Variants in CENPC observed in about 807,000 individuals in gnomAD.
CENPC encodes CENP-C 1.
Under a neutral mutation model 112.1 loss-of-function variants are expected in CENPC, and 63 were observed. The observed-to-expected ratio is 0.56, with a 90% CI of 0.46 to 0.69. The LOEUF (loss-of-function observed/expected upper bound fraction) is 0.69. Among genes scored for constraint, CENPC ranks in the 30% least tolerant of loss-of-function variants. The pLI is 0.00. For synonymous variants in CENPC, 333 were observed against 367.6 expected, an observed-to-expected ratio of 0.91 and a Z score of 1.08; for missense variants, 1,000 against 1,103.8, an observed-to-expected ratio of 0.91 and a Z score of 1.33.
chr4:67,501,139 C>T (rs1725580282), intron 12 of CENPC, among the ~76,000 whole-genome samples: 2 of 152,074 alleles, frequency 1.3e-5, no homozygotes, highest in African/African-American at 4.8e-5. Context: ...GAAAGCCTGT[C>T]TCTACTAAAA....
chr4:67,472,490 A>G lies in CENPC; in HGVS notation c.*115T>C. On this transcript the variant is annotated 3_prime_UTR_variant, in exon 19 of 19. Coordinates refer to ENST00000273853, the MANE Select transcript of CENPC (RefSeq NM_001812.4). ...CAAATACAAGTCTACAGAAAACTGA[A>G]TAAAATTTTTATTTTAAAACATCAC... is the stretch of plus-strand genomic sequence containing the variant. 1 of 1,231,674 alleles carries G rather than the reference A, an allele frequency of 8.1e-7. No individual in the cohort carries two copies. Among genetic ancestry groups the G allele is most frequent in the Non-Finnish European group, 1.0e-6 (1 of 964,968 alleles). The allele number at this position is 1,231,674 out of a possible 1,614,324, so 76.3% of individuals were successfully genotyped here.
intron 5 of CENPC, among the ~76,000 whole-genome samples, chr4:67,529,377 T>C (rs1312629752): frequency 6.6e-6 from 1 of 152,060 alleles, no homozygotes; most frequent in East Asian, 1.9e-4. Flanking sequence ...CAGGCTGGAG[T>C]GCAGTGGCGC....
At chr4:67,527,293 A>G (rs1425816313) in intron 5 of CENPC, among the ~76,000 whole-genome samples, 1 of 152,146 alleles carries the variant, frequency 6.6e-6, no homozygotes, top group Non-Finnish European at 1.5e-5. Context: ...GAGAAGAAAA[A>G]TCATATGATC....
Position 67,521,858 on chromosome 4 carries a change from A to T in CENPC, c.332-2356T>A, listed in dbSNP as rs139736103. ...TTGAAGACATTATGCTTAGTGAAAT[A>T]AGCCAGTCACAGATAAATTTTCTGT... On this transcript the variant is annotated intron_variant, in intron 5 of 18. Transcript: ENST00000273853. 6.6e-5 allele frequency among the ~76,000 whole-genome samples: 10 copies of T among 152,346 alleles called. No individual in the cohort carries two copies. In the East Asian group the frequency reaches 1.9e-3, roughly 29 times the overall value.
chr4:67,480,633 G>T (rs1724930595), intron 17 of CENPC, among the ~76,000 whole-genome samples: 1 of 152,126 alleles, frequency 6.6e-6, no homozygotes, highest in Admixed American at 6.6e-5. Flanking sequence ...AAGACAGAGA[G>T]GAGTCAATAC....
chr4:67,481,267 A>ACCAGTATTG (rs1405920428), intron 17 of CENPC, among the ~76,000 whole-genome samples: 1 of 152,222 alleles, frequency 6.6e-6, no homozygotes, highest in Non-Finnish European at 1.5e-5. Flanking sequence ...ACATAAACAA[A>ACCAGTATTG]TGAAAACACA....
intron 10 of CENPC, among the ~76,000 whole-genome samples, chr4:67,507,869 A>G (rs1324572709): frequency 1.3e-5 from 2 of 152,178 alleles, no homozygotes; most frequent in African/African-American, 2.4e-5. Context: ...GAGAGAGAAA[A>G]GCAGAGAATG....
At chr4:67,502,784 G>C (rs903862966) in intron 12 of CENPC, among the ~76,000 whole-genome samples, 1 of 152,090 alleles carries the variant, frequency 6.6e-6, no homozygotes, top group African/African-American at 2.4e-5. Context: ...TCTTCCAGGA[G>C]CTCGGGCCAA....
intron 4 of CENPC, among the ~76,000 whole-genome samples, chr4:67,532,761 G>A (rs889797440): frequency 6.6e-6 from 1 of 151,880 alleles, no homozygotes; most frequent in African/African-American, 2.4e-5. Context: ...GTAGGGGGAG[G>A]GGGGAAGGAT....
At chr4:67,511,463 T>C (rs546549085) in intron 9 of CENPC, among the ~76,000 whole-genome samples, 45 of 152,250 alleles carry the variant, frequency 3.0e-4, no homozygotes, top group African/African-American at 1.1e-3. Context: ...AAACAATAAA[T>C]GTTTCATATT....
intron 11 of CENPC, among the ~76,000 whole-genome samples, chr4:67,506,562 A>T (rs568988078): frequency 4.9e-4 from 75 of 152,304 alleles, no homozygotes; most frequent in African/African-American, 1.7e-3. Context: ...CTCCAGTTCC[A>T]GACAAGACTT....
At chr4:67,505,521 T>C (rs181126236) in intron 11 of CENPC, among the ~76,000 whole-genome samples, 22 of 152,304 alleles carry the variant, frequency 1.4e-4, no homozygotes, top group Admixed American at 2.6e-4. Context: ...TATATAATGG[T>C]GCAGTATTTG....
intron 4 of CENPC, among the ~76,000 whole-genome samples, chr4:67,531,953 C>A (rs1578004830): frequency 1.3e-5 from 2 of 152,234 alleles, no homozygotes; most frequent in Middle Eastern, 3.4e-3. Context: ...TCAGAGTGAA[C>A]AGGCAACCTA....
intron 10 of CENPC, among the ~76,000 whole-genome samples, chr4:67,508,513 T>TAAAAAAAAA (rs34160703): frequency 3.3e-5 from 3 of 91,178 alleles, no homozygotes; most frequent in African/African-American, 4.3e-5. Flanking sequence ...CTCTGTCTCT[T>TAAAAAAAAA]AAAAAAAAAA....
At chr4:67,531,341 A>T (rs1726542744) in intron 4 of CENPC, among the ~76,000 whole-genome samples, 1 of 152,220 alleles carries the variant, frequency 6.6e-6, no homozygotes, top group Non-Finnish European at 1.5e-5. Flanking sequence ...TTCAAAATAG[A>T]CACGTAAAAC....
At position 67,472,417 on chromosome 4, in the gene CENPC, TAC is replaced by T. The variant is rs1298799072; in HGVS notation, c.*186_*187del. On this transcript the variant is annotated 3_prime_UTR_variant, in exon 19 of 19. Transcript: ENST00000273853. ...ATGGACATCGCTACAAGCTATTATG[TAC>T]AGTCACTGAAAAATCAGAAAAAACA... is the stretch of plus-strand genomic sequence containing the variant. 2.9e-5 allele frequency: 19 copies of T among 658,498 alleles called. No homozygotes were observed. Among genetic ancestry groups the T allele is most frequent in the African/African-American group, 4.0e-5 (2 of 49,850 alleles). The allele number at this position is 658,498 out of a possible 1,614,324, so 40.8% of individuals were successfully genotyped here.
intron 17 of CENPC, 50 bp downstream of exon 17, chr4:67,489,917 A>C: frequency 7.2e-7 from 1 of 1,397,388 alleles, no homozygotes. Context: ...AATCCAATAA[A>C]TCAGAGTTCT....
At chr4:67,506,332 A>G (rs1235797319) in intron 11 of CENPC, among the ~76,000 whole-genome samples, 1 of 152,218 alleles carries the variant, frequency 6.6e-6, no homozygotes, top group African/African-American at 2.4e-5. Context: ...AATAAAGTAG[A>G]AATGACGGTG....
intron 9 of CENPC, chr4:67,511,010 T>C (rs1725878688): frequency 2.2e-6 from 1 of 456,150 alleles, no homozygotes; most frequent in South Asian, 1.5e-5. Context: ...ACATAGTACT[T>C]AGCATTTCAG....
Sources: allele counts gnomAD v4.1 joint callset (sites outside exome capture counted in the v4.1 genomes callset), GRCh38; gene constraint gnomAD v4.1.1; transcripts MANE v1.5; gene names NCBI Gene and HGNC (gene_info 2026-07-23, HGNC 2026-07-21).